The following PCCA variants were observed in gnomAD, a reference collection of about 807,000 sequenced individuals.
PCCA encodes propionyl-CoA carboxylase subunit alpha, also known as propionyl-CoA carboxylase alpha chain, mitochondrial.
Under a neutral mutation model 101.3 loss-of-function variants are expected in PCCA, and 74 were observed. The ratio of observed to expected loss-of-function variants is 0.73; its 90% CI spans 0.61 to 0.89. The LOEUF (loss-of-function observed/expected upper bound fraction) is 0.89, where lower values mean the gene tolerates loss of function less well. Among genes scored for constraint, PCCA ranks in the 40% least tolerant of loss-of-function variants. The pLI is 0.00. For missense variants in PCCA, 891 were observed against 907.0 expected, an observed-to-expected ratio of 0.98 and a Z score of 0.23; for synonymous variants, 294 against 313.6, an observed-to-expected ratio of 0.94 and a Z score of 0.66.
intron 19 of PCCA, among the ~76,000 whole-genome samples, chr13:100,422,113 T>TC (rs2078846645): frequency 7.6e-6 from 1 of 131,392 alleles, no homozygotes; most frequent in African/African-American, 2.8e-5. Context: ...TTTCTTTCTT[T>TC]CTTTCTTTTC....
At chr13:100,259,588 C>T (rs2062334994) in intron 9 of PCCA, among the ~76,000 whole-genome samples, 2 of 152,016 alleles carry the variant, frequency 1.3e-5, no homozygotes, top group Admixed American at 1.3e-4. Flanking sequence ...CTGCCTCGGC[C>T]TCCCAAAGTG....
intron 4 of PCCA, among the ~76,000 whole-genome samples, chr13:100,121,024 T>C (rs114864694): frequency 4.4e-4 from 67 of 152,328 alleles, no homozygotes; most frequent in African/African-American, 1.6e-3. Flanking sequence ...AATTAGTTTT[T>C]TAATTTCAAT....
chr13:100,432,892 A>T (rs1396007364), intron 20 of PCCA, among the ~76,000 whole-genome samples: 1 of 152,144 alleles, frequency 6.6e-6, no homozygotes, highest in Non-Finnish European at 1.5e-5. Flanking sequence ...ATGGTATAGT[A>T]TTTGTCTTTT....
Position 100,341,945 on chromosome 13 carries a change from G to GA in PCCA, c.1643+1688dup, listed in dbSNP as rs566848221. Among the ~76,000 whole-genome samples, 302 of 72,098 alleles carry GA rather than the reference G, an allele frequency of 4.2e-3. 3 individuals are homozygous for GA. Among genetic ancestry groups the GA allele is most frequent in the South Asian group, 0.035 (105 of 2,970 alleles). 47.3% of individuals were successfully genotyped at this position (72,098 alleles called of 152,430 possible). The stretch of plus-strand genomic sequence containing the variant: ...AATAATTACTTTTAATGTTTTGGTA[G>GA]AACCCTTCAAAGTATATATATATAT... On this transcript the variant is annotated intron_variant, in intron 18 of 23. Coordinates refer to ENST00000376285, the MANE Select transcript of PCCA (RefSeq NM_000282.4).
intron 4 of PCCA, among the ~76,000 whole-genome samples, chr13:100,131,032 T>G (rs2050460222): frequency 1.3e-5 from 2 of 151,940 alleles, no homozygotes. Context: ...GATGATGAGA[T>G]CTGTGGAGGA....
At chr13:100,243,081 A>G (rs1471217148) in intron 8 of PCCA, among the ~76,000 whole-genome samples, 3 of 152,154 alleles carry the variant, frequency 2.0e-5, no homozygotes, top group African/African-American at 4.8e-5. Flanking sequence ...TTTTTAATAG[A>G]TACAAGGTTT....
chr13:100,465,984 C>G (rs2082487182), intron 21 of PCCA, among the ~76,000 whole-genome samples: 1 of 152,230 alleles, frequency 6.6e-6, no homozygotes, highest in Non-Finnish European at 1.5e-5. Flanking sequence ...TGAACCAGGT[C>G]TACCATGGAC....
At chr13:100,232,719 C>G (rs950740270) in intron 7 of PCCA, among the ~76,000 whole-genome samples, 3 of 152,052 alleles carry the variant, frequency 2.0e-5, no homozygotes, top group African/African-American at 7.2e-5. Flanking sequence ...AAATTTTACT[C>G]CAGAAGGGCC....
rs1430438674 is a variant in PCCA, at chr13:100,188,753, T to TGCAG, written c.469-20577_469-20574dup. Among the ~76,000 whole-genome samples the TGCAG allele has an allele frequency of 5.3e-5, 8 of 152,230 alleles. No individual in the cohort carries two copies. In the East Asian group the frequency reaches 1.5e-3, roughly 29 times the overall value. ...TTGATTTTTTGATTATGGCCATTCT[T>TGCAG]GCAGGAGTAAGGTGGTATCTATTGT... On this transcript the variant is annotated intron_variant, in intron 6 of 23. Coordinates refer to ENST00000376285, the MANE Select transcript of PCCA (RefSeq NM_000282.4).
chr13:100,501,757 C>G (rs2085689954), intron 21 of PCCA, among the ~76,000 whole-genome samples: 1 of 152,094 alleles, frequency 6.6e-6, no homozygotes, highest in African/African-American at 2.4e-5. Flanking sequence ...ACCTGTAATC[C>G]CAGCTACTTG....
intron 19 of PCCA, among the ~76,000 whole-genome samples, chr13:100,372,318 C>T (rs868257122): frequency 1.3e-5 from 2 of 152,126 alleles, no homozygotes; most frequent in South Asian, 4.1e-4. Flanking sequence ...TGCCACTGCA[C>T]TCCATTCTAG....
In PCCA at chr13:100,278,476, C is replaced by T. The variant is rs551672509; in HGVS notation, c.1065+5130C>T. Among the ~76,000 whole-genome samples, 132 of 144,904 alleles carry T rather than the reference C, an allele frequency of 9.1e-4. 1 individual carries two copies. The highest frequency in any genetic ancestry group is 3.2e-3 in the African/African-American group (124 of 39,082). ...CCATGGTTGTTTCTGGTATAAAACC[C>T]GATAGTTGATTTTTTTTTTTTTTTT... is the stretch of plus-strand genomic sequence containing the variant. On this transcript the variant is annotated intron_variant, in intron 12 of 23. Transcript: ENST00000376285.
At chr13:100,273,883 G>T (rs753999925) in intron 12 of PCCA, among the ~76,000 whole-genome samples, 8 of 152,184 alleles carry the variant, frequency 5.3e-5, no homozygotes, top group Non-Finnish European at 1.2e-4. Context: ...CAAATCTCAG[G>T]AAGCGACTGG....
intron 12 of PCCA, among the ~76,000 whole-genome samples, chr13:100,273,887 C>T (rs931156156): frequency 1.4e-4 from 22 of 152,304 alleles, no homozygotes; most frequent in Admixed American, 5.2e-4. Context: ...TCTCAGGAAG[C>T]GACTGGCGTT....
rs184965304 is a variant in PCCA at position 100,351,608 on chromosome 13, G to A, written c.1643+11349G>A. Among the ~76,000 whole-genome samples the A allele has an allele frequency of 5.1e-4, 77 of 152,236 alleles. 1 individual carries two copies. The highest frequency in any genetic ancestry group is 2.9e-4 in the Non-Finnish European group (20 of 68,010). Reference sequence around the variant, plus strand: ...TGCATGTGGAGATGGGTGAAGTAACGAGATGTACTAGAATGAGATTAGACA... The same window carrying A: ...TGCATGTGGAGATGGGTGAAGTAACAAGATGTACTAGAATGAGATTAGACA... On this transcript the variant is annotated intron_variant, in intron 18 of 23. Transcript: ENST00000376285.
intron 6 of PCCA, among the ~76,000 whole-genome samples, chr13:100,193,578 T>A (rs1287361374): frequency 6.6e-6 from 1 of 152,216 alleles, no homozygotes; most frequent in Non-Finnish European, 1.5e-5. Context: ...GTTAGTATCA[T>A]TATATTCCTT....
At chr13:100,505,287 C>T (rs2085981371) in intron 21 of PCCA, among the ~76,000 whole-genome samples, 1 of 152,144 alleles carries the variant, frequency 6.6e-6, no homozygotes, top group Non-Finnish European at 1.5e-5. Context: ...TCTTACATTG[C>T]CCAGATATGC....
chr13:100,295,202 A>G (rs946476006), intron 12 of PCCA, among the ~76,000 whole-genome samples: 1 of 152,230 alleles, frequency 6.6e-6, no homozygotes, highest in Non-Finnish European at 1.5e-5. Flanking sequence ...GAAAGAGCAG[A>G]ATCTTTCTGA....
At chr13:100,469,803 C>CAA (rs1469595459) in intron 21 of PCCA, among the ~76,000 whole-genome samples, 3 of 151,830 alleles carry the variant, frequency 2.0e-5, no homozygotes, top group Non-Finnish European at 2.9e-5. Flanking sequence ...CAAAACAAAA[C>CAA]AAAACAAAAA....
Sources: gnomAD v4.1 joint callset for allele counts (sites outside exome capture counted in the v4.1 genomes callset) on GRCh38, gnomAD v4.1.1 for gene constraint, MANE v1.5 for transcripts, NCBI Gene and HGNC (gene_info 2026-07-23, HGNC 2026-07-21) for gene names.